The following FHIT variants were observed in gnomAD, a reference collection of about 807,000 sequenced individuals.
The protein encoded by FHIT is fragile histidine triad diadenosine triphosphatase.
In FHIT, 19 loss-of-function variants were observed where a neutral mutation model predicts 17.9. The ratio of observed to expected loss-of-function variants is 1.06; its 90% CI spans 0.74 to 1.56. The LOEUF is 1.56. FHIT is among the 40% of genes most tolerant of loss of function. The pLI is 0.00. For missense variants in FHIT, 248 were observed against 189.2 expected, an observed-to-expected ratio of 1.31 and a Z score of -1.82; for synonymous variants, 81 against 69.7, an observed-to-expected ratio of 1.16 and a Z score of -0.81.
At chr3:60,846,412 T>G (rs1016031290) in intron 3 of FHIT, among the ~76,000 whole-genome samples, 3 of 152,184 alleles carry the variant, frequency 2.0e-5, no homozygotes, top group Non-Finnish European at 4.4e-5. Context: ...TACACAAATA[T>G]AGCAAAGTCA....
chr3:60,522,710 G>A (rs2035419172), intron 5 of FHIT, among the ~76,000 whole-genome samples: 1 of 152,160 alleles, frequency 6.6e-6, no homozygotes, highest in Non-Finnish European at 1.5e-5. Flanking sequence ...ATCTCCTTGA[G>A]GAAGAATTCA....
intron 4 of FHIT, among the ~76,000 whole-genome samples, chr3:60,697,342 T>C (rs1418487384): frequency 1.3e-5 from 2 of 152,138 alleles, no homozygotes; most frequent in Non-Finnish European, 1.5e-5. Flanking sequence ...ATACAATGTA[T>C]TGACTTGGGT....
chr3:60,051,211 G>C (rs1701863352), intron 5 of FHIT, among the ~76,000 whole-genome samples: 1 of 151,534 alleles, frequency 6.6e-6, no homozygotes, highest in Admixed American at 6.6e-5. Context: ...AATGCATAGT[G>C]TTAAAAAAAT....
intron 5 of FHIT, among the ~76,000 whole-genome samples, chr3:60,469,423 T>C (rs2107442063): frequency 6.6e-6 from 1 of 152,314 alleles, no homozygotes; most frequent in Middle Eastern, 3.4e-3. Flanking sequence ...GTTTTGCTTA[T>C]TTCTGCTATT....
intron 4 of FHIT, among the ~76,000 whole-genome samples, chr3:60,547,822 G>C (rs780457110): frequency 3.3e-5 from 5 of 152,112 alleles, no homozygotes; most frequent in Non-Finnish European, 7.4e-5. Flanking sequence ...GGGCTAGATA[G>C]GCAACCTAAC....
chr3:60,995,776 T>G (rs2030629433), intron 3 of FHIT, among the ~76,000 whole-genome samples: 2 of 152,316 alleles, frequency 1.3e-5, no homozygotes, highest in Admixed American at 1.3e-4. Context: ...ATTGTGTAAA[T>G]GTATACAATC....
intron 5 of FHIT, among the ~76,000 whole-genome samples, chr3:60,219,263 T>C (rs557474193): frequency 1.3e-5 from 2 of 152,248 alleles, no homozygotes; most frequent in South Asian, 4.1e-4. Flanking sequence ...CATGAAATAC[T>C]AACGTTCCTA....
At chr3:60,536,151 T>G (rs2035972443) in intron 5 of FHIT, 1 of 152,082 alleles carries the variant, frequency 6.6e-6, no homozygotes, top group African/African-American at 2.4e-5. Context: ...AAAGATAACT[T>G]CCCAAGCATT....
intron 5 of FHIT, among the ~76,000 whole-genome samples, chr3:60,382,101 C>A (rs1034745274): frequency 4.6e-5 from 7 of 152,190 alleles, no homozygotes; most frequent in African/African-American, 1.4e-4. Flanking sequence ...CATTTTCTAA[C>A]TTACCACCTT....
intron 5 of FHIT, among the ~76,000 whole-genome samples, chr3:60,509,706 T>G (rs549193426): frequency 1.1e-3 from 174 of 152,370 alleles, no homozygotes; most frequent in Middle Eastern, 6.8e-3. Context: ...TGCCTTCACA[T>G]GACATTTCTG....
At chr3:60,241,233 G>A (rs1418795238) in intron 5 of FHIT, among the ~76,000 whole-genome samples, 1 of 152,030 alleles carries the variant, frequency 6.6e-6, no homozygotes, top group Non-Finnish European at 1.5e-5. Context: ...ACAGTACCAA[G>A]GGAATTATCA....
intron 6 of FHIT, among the ~76,000 whole-genome samples, chr3:60,012,263 GT>G (rs1416490274): frequency 8.4e-6 from 1 of 118,962 alleles, no homozygotes; most frequent in Non-Finnish European, 1.7e-5. Flanking sequence ...TGTTTTTTTT[GT>G]TGTTTTTTTT....
intron 4 of FHIT, among the ~76,000 whole-genome samples, chr3:60,687,925 T>G (rs2040895378): frequency 6.6e-6 from 1 of 152,164 alleles, no homozygotes; most frequent in South Asian, 2.1e-4. Context: ...ATTTAATATT[T>G]TTATAGCCTT....
intron 3 of FHIT, among the ~76,000 whole-genome samples, chr3:61,035,225 C>T (rs974867777): frequency 2.6e-5 from 4 of 152,114 alleles, no homozygotes; most frequent in African/African-American, 4.8e-5. Context: ...GATGATTGCA[C>T]GGCACTGTCA....
At chr3:61,041,159 T>C (rs553753653) in intron 3 of FHIT, among the ~76,000 whole-genome samples, 3 of 152,208 alleles carry the variant, frequency 2.0e-5, no homozygotes, top group Admixed American at 1.3e-4. Flanking sequence ...GGCAGGCAGA[T>C]CACGAGGTCA....
At chr3:60,167,643 TA>T (rs1286651469) in intron 5 of FHIT, among the ~76,000 whole-genome samples, 1 of 152,244 alleles carries the variant, frequency 6.6e-6, no homozygotes, top group African/African-American at 2.4e-5. Context: ...CAGTCTTCAT[TA>T]ATTTCACAGA....
chr3:61,052,705 C>A (rs189744253), intron 2 of FHIT, among the ~76,000 whole-genome samples: 65 of 152,262 alleles, frequency 4.3e-4, no homozygotes, highest in Non-Finnish European at 7.5e-4. Context: ...TGCATACTGG[C>A]ACCAGGACAA....
intron 4 of FHIT, among the ~76,000 whole-genome samples, chr3:60,811,558 A>G (rs1209356062): frequency 6.6e-6 from 1 of 152,166 alleles, no homozygotes; most frequent in Non-Finnish European, 1.5e-5. Flanking sequence ...TAGTAACCTT[A>G]CTTAAAATAG....
chr3:61,042,579 C>G lies in FHIT; in HGVS notation c.-163-480G>C, dbSNP rs369189866. On this transcript the variant is annotated intron_variant, in intron 2 of 9. Transcript: ENST00000492590. ...ACAGGCAGGGTGCAGTGGCTCACAC[C>G]TGTGATCCCAGCATTTTGGGAAGCT... Among the ~76,000 whole-genome samples the G allele has an allele frequency of 9.2e-5, 14 of 152,276 alleles. No individual in the cohort carries two copies. In the East Asian group the frequency reaches 1.7e-3, roughly 19 times the overall value.
Sources: gnomAD v4.1 joint callset for allele counts (sites outside exome capture counted in the v4.1 genomes callset) on GRCh38, gnomAD v4.1.1 for gene constraint, MANE v1.5 for transcripts, NCBI Gene and HGNC (gene_info 2026-07-23, HGNC 2026-07-21) for gene names.